Variants in OSBPL9 observed in about 807,000 individuals in gnomAD.
The protein encoded by OSBPL9 is oxysterol-binding protein-related protein 9.
In OSBPL9, 40 loss-of-function variants were observed where a neutral mutation model predicts 106.6. The observed-to-expected ratio is 0.38, with a 90% confidence interval of 0.29 to 0.49. OSBPL9 has a LOEUF of 0.49. OSBPL9 is among the 20% of genes least tolerant of loss of function. OSBPL9 has a pLI of 0.97. For missense variants in OSBPL9, 609 were observed against 887.2 expected, an observed-to-expected ratio of 0.69 and a Z score of 3.98; for synonymous variants, 269 against 295.4, an observed-to-expected ratio of 0.91 and a Z score of 0.92.
At position 51,622,019 on chromosome 1, in the gene OSBPL9, T is replaced by G. The variant is rs935265823; in HGVS notation, c.111+4798T>G. Among the ~76,000 whole-genome samples, 12 of 144,874 alleles carry G rather than the reference T, an allele frequency of 8.3e-5. 1 individual carries two copies. In the East Asian group the frequency reaches 1.1e-3, roughly 13 times the overall value. On this transcript the variant is annotated intron_variant, in intron 1 of 23. Coordinates refer to ENST00000428468, the MANE Select transcript of OSBPL9 (RefSeq NM_024586.6). The stretch of plus-strand genomic sequence containing the variant: ...TCAGTAGGTTCAGGTGAAATGTGTG[T>G]TTTTTTTTTTATTTTAAAGAATATG...
intron 3 of OSBPL9, among the ~76,000 whole-genome samples, chr1:51,686,682 C>T (rs1226239565): frequency 2.0e-5 from 3 of 152,138 alleles, no homozygotes; most frequent in Non-Finnish European, 2.9e-5. Flanking sequence ...ATAAGATGAT[C>T]AAGTCTGTTA....
At chr1:51,551,724 C>A in the OSBPL9 span, among the ~76,000 whole-genome samples, 3 of 151,916 alleles carry the variant, frequency 2.0e-5, no homozygotes, top group African/African-American at 7.2e-5. Flanking sequence ...GTAGCTGGGA[C>A]TACAGGCACA....
chr1:51,668,409 G>A (rs993160053), intron 2 of OSBPL9, among the ~76,000 whole-genome samples: 9 of 152,128 alleles, frequency 5.9e-5, no homozygotes, highest in Non-Finnish European at 1.0e-4. Flanking sequence ...ATCACTTGAG[G>A]TCAGAAGTTC....
Position 51,772,060 on chromosome 1 carries a change from GT to G in OSBPL9, c.939-5del, listed in dbSNP as rs1482649571. ...CTTTAGCTTAAATAAGGTAATTAAT[GT>G]TTTTATAGTTCTTCTGGATCTGCCT... is the stretch of plus-strand genomic sequence containing the variant. On this transcript the variant is annotated splice_polypyrimidine_tract_variant and intron_variant, in intron 12 of 23. Transcript: ENST00000428468. 5.6e-6 allele frequency: 9 copies of G among 1,600,528 alleles called. No individual in the cohort carries two copies. The highest frequency in any genetic ancestry group is 6.8e-6 in the Non-Finnish European group (8 of 1,171,612).
At chr1:51,724,905 G>A (rs1662841715) in intron 4 of OSBPL9, 1 of 195,050 alleles carries the variant, frequency 5.1e-6, no homozygotes, top group Non-Finnish European at 1.1e-5. Flanking sequence ...ACAGGAAAGG[G>A]TGTCTATGCC....
At chr1:51,709,192 A>G (rs1222664519) in intron 3 of OSBPL9, 1 of 178,496 alleles carries the variant, frequency 5.6e-6, no homozygotes, top group Non-Finnish European at 1.2e-5. Flanking sequence ...CATGCCAGTA[A>G]GCAGATTGTG....
chr1:51,748,168 A>G (rs1374731839), intron 6 of OSBPL9, among the ~76,000 whole-genome samples: 2 of 152,264 alleles, frequency 1.3e-5, no homozygotes, highest in East Asian at 1.9e-4. Flanking sequence ...CATATAATTC[A>G]TAAAAGTCTG....
chr1:51,737,545 G>GGTGTGT lies in OSBPL9; in HGVS notation c.319-7958_319-7953dup, dbSNP rs57886494. 5.6e-3 allele frequency among the ~76,000 whole-genome samples: 803 copies of GGTGTGT among 142,516 alleles called. 6 individuals are homozygous for GGTGTGT. The highest frequency in any genetic ancestry group is 0.012 in the African/African-American group (483 of 38,668). The allele number at this position is 142,516 out of a possible 152,430, so 93.5% of individuals were successfully genotyped here. A position where few individuals can be genotyped will look rare whatever the true frequency, so the allele number is the denominator to read the frequency against. ...TTTGTTTCATGTGTTATATTTCAGGGGTGTGTGTGTGTGTGTGTGTGTGTG... is the reference window on the plus strand; with the variant it reads ...TTTGTTTCATGTGTTATATTTCAGGGGTGTGTGTGTGTGTGTGTGTGTGTGTGTGTG... On this transcript the variant is annotated intron_variant, in intron 4 of 23. Coordinates refer to ENST00000428468, the MANE Select transcript of OSBPL9 (RefSeq NM_024586.6).
chr1:51,705,399 ATTTTTTTTTTTTTTTTTTTT>A (rs869169566), intron 3 of OSBPL9, among the ~76,000 whole-genome samples: 1 of 40,450 alleles, frequency 2.5e-5, no homozygotes, highest in African/African-American at 1.2e-4. Context: ...ATATATATAT[ATTTTTTTTTTTTTTTTTTTT>A]TTTTTTTTTT....
At chr1:51,743,125 C>T (rs894985730) in intron 4 of OSBPL9, among the ~76,000 whole-genome samples, 14 of 152,208 alleles carry the variant, frequency 9.2e-5, no homozygotes, top group African/African-American at 3.1e-4. Flanking sequence ...CAACTATATA[C>T]ATAAATTTTC....
intron 12 of OSBPL9, among the ~76,000 whole-genome samples, chr1:51,771,515 A>G (rs968854561): frequency 3.9e-5 from 6 of 152,222 alleles, no homozygotes; most frequent in Non-Finnish European, 5.9e-5. Context: ...ACACACTTCC[A>G]TCGGTAAATT....
intron 1 of OSBPL9, among the ~76,000 whole-genome samples, chr1:51,638,232 G>A (rs888063724): frequency 2.2e-4 from 33 of 152,144 alleles, no homozygotes; most frequent in Non-Finnish European, 8.8e-5. Flanking sequence ...AGGAGGGAAG[G>A]ATGAGATAGT....
chr1:51,770,901 A>C (rs1673719684), intron 12 of OSBPL9, among the ~76,000 whole-genome samples: 1 of 152,154 alleles, frequency 6.6e-6, no homozygotes, highest in African/African-American at 2.4e-5. Flanking sequence ...GTTGTCATAT[A>C]TTTATCAAAA....
At chr1:51,631,638 G>A (rs1645112164) in intron 1 of OSBPL9, among the ~76,000 whole-genome samples, 1 of 152,164 alleles carries the variant, frequency 6.6e-6, no homozygotes, top group South Asian at 2.1e-4. Context: ...AATCATTTAT[G>A]TCTATGCCTT....
chr1:51,698,446 A>G (rs925394581), intron 3 of OSBPL9, among the ~76,000 whole-genome samples: 2 of 152,170 alleles, frequency 1.3e-5, no homozygotes, highest in Admixed American at 6.5e-5. Flanking sequence ...TATGAAACGA[A>G]TGTTCCAGTT....
At chr1:51,684,229 G>A (rs1030407590) in intron 3 of OSBPL9, among the ~76,000 whole-genome samples, 1 of 151,948 alleles carries the variant, frequency 6.6e-6, no homozygotes. Context: ...GGCTGGTCTC[G>A]AACTCCTGGC....
intron 3 of OSBPL9, among the ~76,000 whole-genome samples, chr1:51,686,021 T>G (rs142305451): frequency 7.2e-5 from 11 of 152,252 alleles, no homozygotes; most frequent in African/African-American, 2.6e-4. Context: ...AAAATTGAAC[T>G]GGTCCTTGAA....
chr1:51,549,085 T>C, the OSBPL9 span, among the ~76,000 whole-genome samples: 25 of 152,290 alleles, frequency 1.6e-4, no homozygotes, highest in Middle Eastern at 6.8e-3. Context: ...CAAACCAGAA[T>C]ATTCCAAAGG....
chr1:51,549,031 G>A, the OSBPL9 span, among the ~76,000 whole-genome samples: 13 of 152,122 alleles, frequency 8.5e-5, no homozygotes, highest in Admixed American at 7.2e-4. Flanking sequence ...TTTCACAACA[G>A]GAAGACTCTC....
Sources: gnomAD v4.1 joint callset for allele counts (sites outside exome capture counted in the v4.1 genomes callset) on GRCh38, gnomAD v4.1.1 for gene constraint, MANE v1.5 for transcripts, NCBI Gene and HGNC (gene_info 2026-07-23, HGNC 2026-07-21) for gene names.